PCDH9: variants seen among roughly 807,000 people sequenced by gnomAD.
PCDH9 encodes protocadherin 9, also known as protocadherin-9.
A neutral mutation model predicts 70.6 loss-of-function variants in PCDH9; 24 were observed. The ratio of observed to expected loss-of-function variants is 0.34; its 90% confidence interval spans 0.25 to 0.48. PCDH9 has a LOEUF of 0.48. Ranked by LOEUF, PCDH9 falls within the 20% of genes least tolerant of loss-of-function variation. The probability of loss-of-function intolerance (pLI) is 0.99; values close to 1 mark genes in which losing one functional copy is unlikely to be tolerated. For missense variants in PCDH9, 1,281 were observed against 1,503.6 expected (o/e 0.85, Z 2.45); for synonymous variants, 562 against 558.5 (o/e 1.01, Z -0.09).
At chr13:66,505,528 T>C (rs2138570896) in intron 4 of PCDH9, among the ~76,000 whole-genome samples, 1 of 152,098 alleles carries the variant, frequency 6.6e-6, no homozygotes, top group South Asian at 2.1e-4. Context: ...AGCCAAACCA[T>C]ATCAGAGATT....
intron 2 of PCDH9, among the ~76,000 whole-genome samples, chr13:67,198,206 T>A (rs1448625553): frequency 6.6e-6 from 1 of 151,720 alleles, no homozygotes; most frequent in African/African-American, 2.4e-5. Flanking sequence ...CTTGCAAATA[T>A]GTCAAGGGGA....
At chr13:66,815,788 A>T (rs2080592712) in intron 3 of PCDH9, among the ~76,000 whole-genome samples, 2 of 152,124 alleles carry the variant, frequency 1.3e-5, no homozygotes, top group Non-Finnish European at 2.9e-5. Flanking sequence ...AAGGGTGAGG[A>T]TCGAAAAAAA....
intron 2 of PCDH9, among the ~76,000 whole-genome samples, chr13:67,032,792 A>G (rs1254365476): frequency 6.6e-6 from 1 of 152,308 alleles, no homozygotes; most frequent in African/African-American, 2.4e-5. Flanking sequence ...ATGCTGTTGC[A>G]GACAAGTTAC....
intron 4 of PCDH9, among the ~76,000 whole-genome samples, chr13:66,546,431 A>C (rs1459420464): frequency 6.6e-6 from 1 of 152,112 alleles, no homozygotes; most frequent in Non-Finnish European, 1.5e-5. Flanking sequence ...AAATAGAAAA[A>C]ATTTAAAATA....
chr13:66,846,722 C>A (rs1003280489), intron 3 of PCDH9, among the ~76,000 whole-genome samples: 1 of 152,034 alleles, frequency 6.6e-6, no homozygotes, highest in African/African-American at 2.4e-5. Context: ...ATGCCTATGA[C>A]TAAGAAAGTT....
chr13:66,551,929 G>A (rs938480176), intron 4 of PCDH9, among the ~76,000 whole-genome samples: 8 of 152,072 alleles, frequency 5.3e-5, no homozygotes, highest in East Asian at 3.9e-4. Context: ...AGTGAGAGAC[G>A]TATGTGATTT....
chr13:66,892,254 A>G (rs1490984929), intron 3 of PCDH9, among the ~76,000 whole-genome samples: 2 of 148,978 alleles, frequency 1.3e-5, no homozygotes, highest in African/African-American at 4.9e-5. Flanking sequence ...ATATATATAT[A>G]CACACACACG....
intron 4 of PCDH9, among the ~76,000 whole-genome samples, chr13:66,410,096 T>G (rs1761467): frequency 6.6e-6 from 1 of 152,100 alleles, no homozygotes; most frequent in African/African-American, 2.4e-5. Flanking sequence ...AATATAACAG[T>G]CAAGTATGAG....
chr13:66,844,733 T>A (rs1259523229), intron 3 of PCDH9, among the ~76,000 whole-genome samples: 6 of 152,204 alleles, frequency 3.9e-5, no homozygotes, highest in Non-Finnish European at 7.3e-5. Flanking sequence ...AGAAGTTACC[T>A]CATCCTGCCA....
intron 4 of PCDH9, among the ~76,000 whole-genome samples, chr13:66,491,988 C>T (rs919615619): frequency 2.0e-5 from 3 of 151,958 alleles, no homozygotes; most frequent in African/African-American, 7.3e-5. Context: ...CATGGCATTC[C>T]CCTGGCCACA....
At chr13:66,578,785 T>G (rs1243077018) in intron 4 of PCDH9, among the ~76,000 whole-genome samples, 1 of 152,100 alleles carries the variant, frequency 6.6e-6, no homozygotes, top group African/African-American at 2.4e-5. Flanking sequence ...TAATGACACA[T>G]AATATGAGCT....
At chr13:66,878,932 C>G (rs547141444) in intron 3 of PCDH9, among the ~76,000 whole-genome samples, 15 of 152,186 alleles carry the variant, frequency 9.9e-5, no homozygotes, top group African/African-American at 3.6e-4. Context: ...GGCAGTGCAT[C>G]ACAACCACAG....
intron 4 of PCDH9, among the ~76,000 whole-genome samples, chr13:66,332,576 A>C (rs1403629282): frequency 6.6e-6 from 1 of 152,086 alleles, no homozygotes; most frequent in East Asian, 1.9e-4. Context: ...GATGAGGCAC[A>C]CAAGTCAATA....
At chr13:66,834,887 A>G (rs2080990029) in intron 3 of PCDH9, among the ~76,000 whole-genome samples, 1 of 152,262 alleles carries the variant, frequency 6.6e-6, no homozygotes, top group African/African-American at 2.4e-5. Flanking sequence ...TGCTATGTTT[A>G]AGAGAATGCT....
At chr13:67,133,084 C>T (rs1195948780) in intron 2 of PCDH9, among the ~76,000 whole-genome samples, 1 of 152,114 alleles carries the variant, frequency 6.6e-6, no homozygotes, top group Non-Finnish European at 1.5e-5. Context: ...TTTGCCACTC[C>T]TAGACTGTCT....
rs562369916 is a variant in PCDH9 at position 66,444,973 on chromosome 13, G to T, written c.3341-139945C>A. Among the ~76,000 whole-genome samples, 6 of 150,716 alleles carry T rather than the reference G, an allele frequency of 4.0e-5. No individual in the cohort carries two copies. The East Asian group carries it at 1.2e-3, about 29-fold the overall frequency. On this transcript the variant is annotated intron_variant, in intron 4 of 4. Transcript: ENST00000377865. ...CAACAACAAATTTGGTTCCTAGACAGCTTAGACTTCAGAAAATATTAGCAT... is the reference window on the plus strand; with the variant it reads ...CAACAACAAATTTGGTTCCTAGACATCTTAGACTTCAGAAAATATTAGCAT...
chr13:66,718,943 A>T (rs2078906187), intron 3 of PCDH9, among the ~76,000 whole-genome samples: 1 of 152,216 alleles, frequency 6.6e-6, no homozygotes, highest in African/African-American at 2.4e-5. Flanking sequence ...CCTAGACATG[A>T]ACTAAGACAA....
intron 2 of PCDH9, among the ~76,000 whole-genome samples, chr13:66,970,640 A>G (rs1360401873): frequency 3.5e-5 from 1 of 28,536 alleles, no homozygotes; most frequent in African/African-American, 1.1e-4. Flanking sequence ...AAAAAAAAAA[A>G]AAGCAAAAAA....
intron 3 of PCDH9, among the ~76,000 whole-genome samples, chr13:66,656,648 C>A (rs774962692): frequency 6.6e-6 from 1 of 151,320 alleles, no homozygotes; most frequent in Non-Finnish European, 1.5e-5. Flanking sequence ...GGTGGGGGGG[C>A]GGTTAAAATG....
Sources: gnomAD v4.1 joint callset for allele counts (sites outside exome capture counted in the v4.1 genomes callset) on GRCh38, gnomAD v4.1.1 for gene constraint, MANE v1.5 for transcripts, NCBI Gene and HGNC (gene_info 2026-07-23, HGNC 2026-07-21) for gene names.